The following WDR3 variants were observed in gnomAD, a reference collection of about 807,000 sequenced individuals.
WDR3 encodes WD repeat domain 3.
Under a neutral mutation model 123.7 loss-of-function variants are expected in WDR3, and 81 were observed. That is an observed-to-expected ratio of 0.65 (90% CI 0.55 to 0.79). The LOEUF (loss-of-function observed/expected upper bound fraction) is 0.79, where lower values mean the gene tolerates loss of function less well. Among genes scored for constraint, WDR3 ranks in the 30% least tolerant of loss-of-function variants. WDR3 has a pLI of 0.00. For synonymous variants in WDR3, 390 were observed against 388.8 expected, an observed-to-expected ratio of 1.00 and a Z score of -0.04; for missense variants, 1,027 against 1,123.2, an observed-to-expected ratio of 0.91 and a Z score of 1.22.
intron 8 of WDR3, 95 bp downstream of exon 8, chr1:117,941,320 A>C: frequency 8.2e-7 from 1 of 1,225,504 alleles, no homozygotes; most frequent in Non-Finnish European, 1.2e-6. Flanking sequence ...CTTTTTCTTG[A>C]CTCATGTTAA....
rs774502990 is a variant in WDR3 at position 117,946,189 on chromosome 1, G to A, written c.1422+10G>A. The A allele has an allele frequency of 2.5e-6, 4 of 1,590,930 alleles. No homozygotes were observed. Among genetic ancestry groups the A allele is most frequent in the Non-Finnish European group, 2.6e-6 (3 of 1,167,808 alleles). ...AGTCATAGGAACAAAGGTAAATGGA[G>A]ACTTTTTCTGGGATATCTGGATCTT... On this transcript the variant is annotated intron_variant, in intron 12 of 26. Coordinates refer to ENST00000349139, the MANE Select transcript of WDR3 (RefSeq NM_006784.3).
At chr1:117,959,236 C>T in intron 26 of WDR3, 56 bp from the exon 27 acceptor site, 2 of 1,575,744 alleles carry the variant, frequency 1.3e-6, no homozygotes, top group Non-Finnish European at 1.7e-6. Context: ...TCATACGCTG[C>T]TATAATGAAT....
intron 12 of WDR3, among the ~76,000 whole-genome samples, chr1:117,946,940 CAAAAAAAAAA>C (rs55743091): frequency 2.6e-5 from 2 of 77,382 alleles, no homozygotes; most frequent in East Asian, 3.6e-4. Context: ...GACTCCATCT[CAAAAAAAAAA>C]AAAAAAAAAA....
intron 11 of WDR3, among the ~76,000 whole-genome samples, chr1:117,944,124 C>T (rs1030764269): frequency 5.3e-5 from 8 of 152,176 alleles, no homozygotes; most frequent in African/African-American, 1.9e-4. Flanking sequence ...TTTGTTTTCT[C>T]CATTCTGTCT....
rs891781051 is a variant in WDR3, at chr1:117,950,825, G to T, written c.1747-9G>T. On this transcript the variant is annotated splice_polypyrimidine_tract_variant and intron_variant, in intron 15 of 26. Coordinates refer to ENST00000349139, the MANE Select transcript of WDR3 (RefSeq NM_006784.3). ...AGACAGACATTAATTATGTTTTTTT[G>T]ATGTTTAGTTTTTTCTGTCACTGTA... 2 of 1,601,934 alleles carry T rather than the reference G, an allele frequency of 1.2e-6. No individual in the cohort carries two copies. The highest frequency in any genetic ancestry group is 1.7e-6 in the Non-Finnish European group (2 of 1,175,210).
Position 117,963,905 on chromosome 1 carries a change from G to A in WDR3, c.*4458G>A, listed in dbSNP as rs1348432419. ...TTCTTTTCCCTGGGGAAAGTCTTTT[G>A]GTCGTTTATCATAATTGCTGCTTGT... On this transcript the variant is annotated 3_prime_UTR_variant, in exon 27 of 27. Transcript: ENST00000349139. The A allele has an allele frequency of 6.2e-7, 1 of 1,613,826 alleles. No individual in the cohort carries two copies.
At chr1:117,941,990 A>T in intron 9 of WDR3, 143 bp downstream of exon 9, 1 of 1,334,156 alleles carries the variant, frequency 7.5e-7, no homozygotes, top group South Asian at 1.7e-5. Context: ...CGATAACCCA[A>T]ATTTGTCAAG....
chr1:117,933,488 A>G lies in WDR3; in HGVS notation c.169A>G (p.Lys57Glu), dbSNP rs755456659. The G allele has an allele frequency of 1.2e-6, 2 of 1,614,086 alleles. No homozygotes were observed. Among genetic ancestry groups the G allele is most frequent in the Non-Finnish European group, 1.7e-6 (2 of 1,179,974 alleles). Reference sequence around the variant, plus strand: ...CATCTGGGACTTAAGGAAAGGAGAGAAGGTGAGCCTAAAATGACCAGTTTG... The same window carrying G: ...CATCTGGGACTTAAGGAAAGGAGAGGAGGTGAGCCTAAAATGACCAGTTTG... ...VFIWDLRKGE[K>E]ILILQGLKQE... is the part of the protein sequence containing the mutation. The change falls in exon 2 of 27, where the codon AAG (lysine) becomes GAG (glutamate). Residue 57 changes from lysine (K) to glutamate (E), a missense_variant and splice_region_variant. Coordinates refer to ENST00000349139, the MANE Select transcript of WDR3 (RefSeq NM_006784.3).
At position 117,963,756 on chromosome 1, in the gene WDR3, T is replaced by C. The variant is rs762431955; in HGVS notation, c.*4309T>C. 2 of 1,573,504 alleles carry C rather than the reference T, an allele frequency of 1.3e-6. No individual in the cohort carries two copies. The highest frequency in any genetic ancestry group is 1.4e-5 in the African/African-American group (1 of 73,520). Reference sequence around the variant, plus strand: ...AAACCTGGGGTCTAATACCTCAAATTTGAATGCTTGACAATCAAATTCCCA... The same window carrying C: ...AAACCTGGGGTCTAATACCTCAAATCTGAATGCTTGACAATCAAATTCCCA... On this transcript the variant is annotated 3_prime_UTR_variant, in exon 27 of 27. Transcript: ENST00000349139.
In WDR3 at chr1:117,957,134, C is replaced by G; in HGVS notation, c.2520C>G (p.Asn840Lys). The change falls in exon 25 of 27, where the codon AAC becomes AAG. Residue 840 changes from asparagine (N) to lysine (K), a missense_variant. Transcript: ENST00000349139. ...SYVPDILKLF[N>K]EFIQLGSDVE... ...TCCCAGACATTCTTAAACTCTTTAA[C>G]GAATTCATTCAGCTGGGCTCTGATG... 1 of 1,612,576 alleles carries G rather than the reference C, an allele frequency of 6.2e-7. No individual in the cohort carries two copies. The highest frequency in any genetic ancestry group is 8.5e-7 in the Non-Finnish European group (1 of 1,179,452).
At chr1:117,936,945 TTCCTTAC>T (rs1178716735) in intron 4 of WDR3, 58 bp downstream of exon 4, 1 of 1,459,806 alleles carries the variant, frequency 6.9e-7, no homozygotes, top group Admixed American at 1.7e-5. Context: ...ATTTGCTTTA[TTCCTTAC>T]TCATTTCTCT....
rs1367434469 is a variant in WDR3 at position 117,963,612 on chromosome 1, C to T, written c.*4165C>T. 2 of 410,886 alleles carry T rather than the reference C, an allele frequency of 4.9e-6. No homozygotes were observed. Among genetic ancestry groups the T allele is most frequent in the African/African-American group, 2.0e-5 (1 of 50,268 alleles). The allele number at this position is 410,886 out of a possible 1,614,324, so 25.5% of individuals were successfully genotyped here. On this transcript the variant is annotated 3_prime_UTR_variant, in exon 27 of 27. Transcript: ENST00000349139. ...ATCTCCTGACCTTGTGATCCACCCA[C>T]CTCGGCCTCCCAAAGTGCTGGGATT...
intron 16 of WDR3, among the ~76,000 whole-genome samples, chr1:117,951,504 ATTTCT>A (rs1651607615): frequency 1.3e-5 from 1 of 78,088 alleles, no homozygotes; most frequent in African/African-American, 5.0e-5. Context: ...TGTTAAATGT[ATTTCT>A]TTTTTTTTTT....
At chr1:117,948,279 C>T in intron 12 of WDR3, 126 bp from the exon 13 acceptor site, 1 of 696,510 alleles carries the variant, frequency 1.4e-6, no homozygotes, top group Non-Finnish European at 2.5e-6. Flanking sequence ...ATGTGGGATC[C>T]ATTTCCTAAG....
At chr1:117,957,330 A>G in intron 25 of WDR3, 134 bp downstream of exon 25, 1 of 1,146,610 alleles carries the variant, frequency 8.7e-7, no homozygotes, top group East Asian at 2.7e-5. Context: ...TAATCCCAGC[A>G]CTTTGGGAGG....
At chr1:117,953,334 G>A (rs534013527) in intron 20 of WDR3, 142 bp from the exon 21 acceptor site, 5 of 825,748 alleles carry the variant, frequency 6.1e-6, no homozygotes, top group African/African-American at 3.5e-5. Flanking sequence ...CATATGCTAA[G>A]TTCTGTTACT....
chr1:117,950,223 C>CGCGGTGGCTCACG, intron 15 of WDR3, 93 bp downstream of exon 15: 1 of 1,428,608 alleles, frequency 7.0e-7, no homozygotes, highest in Non-Finnish European at 9.6e-7. Context: ...CTTGACTGTG[C>CGCGGTGGCTCACG]CCAGCGATAG....
intron 25 of WDR3, among the ~76,000 whole-genome samples, chr1:117,957,848 C>T (rs955772324): frequency 6.6e-5 from 10 of 152,056 alleles, no homozygotes; most frequent in South Asian, 4.1e-4. Flanking sequence ...TGTCCTTTAC[C>T]AACATTTTAA....
intron 3 of WDR3, 127 bp downstream of exon 3, chr1:117,934,809 A>G: frequency 1.1e-6 from 1 of 891,746 alleles, no homozygotes; most frequent in Admixed American, 2.6e-5. Context: ...GTATAATGAT[A>G]GAGTGAAGAG....
Sources: gnomAD v4.1 joint callset for allele counts (sites outside exome capture counted in the v4.1 genomes callset) on GRCh38, gnomAD v4.1.1 for gene constraint, MANE v1.5 for transcripts, NCBI Gene and HGNC (gene_info 2026-07-23, HGNC 2026-07-21) for gene names.